NEK1: variants seen among roughly 807,000 people sequenced by gnomAD.
NEK1 encodes the protein serine/threonine-protein kinase Nek1.
Under a neutral mutation model 182.1 loss-of-function variants are expected in NEK1, and 137 were observed. The observed-to-expected ratio is 0.75, with a 90% CI of 0.65 to 0.87. The LOEUF is 0.87. Among genes scored for constraint, NEK1 ranks in the 40% least tolerant of loss-of-function variants. NEK1 has a pLI of 0.00. For missense variants in NEK1, 1,391 were observed against 1,494.4 expected (o/e 0.93, Z 1.14); for synonymous variants, 513 against 492.2 (o/e 1.04, Z -0.56).
intron 31 of NEK1, among the ~76,000 whole-genome samples, chr4:169,419,152 C>A (rs145754601): frequency 1.2e-3 from 177 of 152,012 alleles, no homozygotes; most frequent in African/African-American, 3.6e-3. Context: ...ATGCTAGAAA[C>A]CAGTGATAAA....
chr4:169,508,868 T>C lies in NEK1; in HGVS notation c.1666-16A>G, dbSNP rs952375196. 3.2e-6 allele frequency: 5 copies of C among 1,564,970 alleles called. No homozygotes were observed. In the Admixed American group the frequency reaches 5.3e-5, roughly 16 times the overall value. ...GCAGGATTCCCTGTTTATCATTTAA[T>C]GTACTAAGTTTAAAGAATGACTAAG... On this transcript the variant is annotated splice_polypyrimidine_tract_variant and intron_variant, in intron 19 of 35. Transcript: ENST00000507142.
intron 9 of NEK1, among the ~76,000 whole-genome samples, chr4:169,585,971 A>T (rs1767461027): frequency 6.6e-6 from 1 of 152,114 alleles, no homozygotes; most frequent in East Asian, 1.9e-4. Flanking sequence ...AACTAAAAGT[A>T]TTGGGGGAAA....
chr4:169,465,523 T>C (rs1047254884), intron 26 of NEK1, among the ~76,000 whole-genome samples: 1 of 152,070 alleles, frequency 6.6e-6, no homozygotes, highest in Non-Finnish European at 1.5e-5. Flanking sequence ...AGTCTTTACT[T>C]GAGTACTGAT....
At chr4:169,426,945 T>C (rs1483429053) in intron 29 of NEK1, among the ~76,000 whole-genome samples, 5 of 152,016 alleles carry the variant, frequency 3.3e-5, no homozygotes, top group African/African-American at 1.2e-4. Context: ...AAAAAAGAAC[T>C]CACAATTTTT....
At chr4:169,417,172 T>C (rs1429545410) in intron 31 of NEK1, among the ~76,000 whole-genome samples, 1 of 152,106 alleles carries the variant, frequency 6.6e-6, no homozygotes, top group Non-Finnish European at 1.5e-5. Context: ...AAAGAGAAGC[T>C]CATTTCAGGC....
chr4:169,442,987 T>C (rs968003570), intron 27 of NEK1, among the ~76,000 whole-genome samples: 18 of 152,170 alleles, frequency 1.2e-4, no homozygotes, highest in Admixed American at 6.5e-4. Flanking sequence ...TAGTGAGCTA[T>C]GATTGCACCA....
rs751192051 is a variant in NEK1, at chr4:169,424,758, T to C, written c.3017A>G (p.Asp1006Gly). The C allele has an allele frequency of 1.2e-6, 2 of 1,613,598 alleles. No homozygotes were observed. The highest frequency in any genetic ancestry group is 1.7e-4 in the Middle Eastern group (1 of 6,056). Reference sequence around the variant, plus strand: ...AAATGGTTCCGGTTGCACAGACTTATCTACATCACATTTAGAGTGCTGAGA... The same window carrying C: ...AAATGGTTCCGGTTGCACAGACTTACCTACATCACATTTAGAGTGCTGAGA... ...NDSQHSKCDV[D>G]KSVQPEPFFH... The change falls in exon 31 of 36, where the codon GAT becomes GGT. Residue 1006 changes from aspartate (D) to glycine (G), a missense_variant. Physicochemically the swap from Asp to Gly is moderately conservative, Grantham distance 94. Around this residue, in one of 5 missense-constraint regions of NEK1, gnomAD observed 1,216 missense variants for 1,277.6 expected, o/e 0.95. Transcript: ENST00000507142.
At chr4:169,474,707 A>G (rs936629044) in intron 26 of NEK1, among the ~76,000 whole-genome samples, 3 of 152,020 alleles carry the variant, frequency 2.0e-5, no homozygotes, top group African/African-American at 2.4e-5. Flanking sequence ...TCTGTTCCTC[A>G]TTTTCTTTGC....
intron 18 of NEK1, among the ~76,000 whole-genome samples, chr4:169,541,520 A>G (rs939621908): frequency 6.6e-6 from 1 of 152,168 alleles, no homozygotes; most frequent in Non-Finnish European, 1.5e-5. Flanking sequence ...AGGCAAATAT[A>G]GGTGATTATG....
intron 29 of NEK1, among the ~76,000 whole-genome samples, chr4:169,431,948 C>A (rs989087161): frequency 5.3e-5 from 8 of 151,492 alleles, no homozygotes; most frequent in Middle Eastern, 3.4e-3. Flanking sequence ...CACACACACA[C>A]AAAACATAAA....
chr4:169,532,247 T>C (rs551992431), intron 19 of NEK1, among the ~76,000 whole-genome samples: 2 of 152,296 alleles, frequency 1.3e-5, no homozygotes, highest in South Asian at 4.1e-4. Flanking sequence ...TTAAATTATA[T>C]GTTAATAAAG....
intron 27 of NEK1, among the ~76,000 whole-genome samples, chr4:169,448,825 C>T (rs1290650542): frequency 1.3e-5 from 2 of 152,190 alleles, no homozygotes; most frequent in African/African-American, 2.4e-5. Flanking sequence ...GTGCAGCCCA[C>T]GGAGGGTGAG....
chr4:169,473,171 C>A (rs1198277377), intron 26 of NEK1, among the ~76,000 whole-genome samples: 1 of 149,370 alleles, frequency 6.7e-6, no homozygotes, highest in Non-Finnish European at 1.5e-5. Flanking sequence ...GAGGCTGAGG[C>A]AGGAGGATCA....
At chr4:169,404,071 T>C (rs1203300859) in intron 32 of NEK1, among the ~76,000 whole-genome samples, 1 of 27,392 alleles carries the variant, frequency 3.7e-5, no homozygotes, top group Non-Finnish European at 6.6e-5. Context: ...ACTTAGCAGC[T>C]TGGAAGAAAG....
chr4:169,551,381 G>GAGGC (rs1561397376), intron 18 of NEK1, among the ~76,000 whole-genome samples: 1 of 151,982 alleles, frequency 6.6e-6, no homozygotes, highest in Non-Finnish European at 1.5e-5. Context: ...GCCCTTACAA[G>GAGGC]ATTATATTTC....
At chr4:169,420,527 C>T (rs185927044) in intron 31 of NEK1, among the ~76,000 whole-genome samples, 9 of 152,270 alleles carry the variant, frequency 5.9e-5, no homozygotes, top group Admixed American at 1.3e-4. Flanking sequence ...TACACTGTGA[C>T]ACTACGATGT....
intron 27 of NEK1, among the ~76,000 whole-genome samples, chr4:169,446,103 T>C (rs1740507807): frequency 1.3e-5 from 2 of 151,698 alleles, no homozygotes; most frequent in South Asian, 2.1e-4. Context: ...GCATACAAAA[T>C]ACAGTTAAAT....
intron 2 of NEK1, among the ~76,000 whole-genome samples, chr4:169,609,055 C>T (rs1418940704): frequency 8.5e-6 from 1 of 118,058 alleles, no homozygotes; most frequent in African/African-American, 4.1e-5. Context: ...AGCGAGACTC[C>T]TTCTCAAAAA....
At chr4:169,609,893 T>C (rs999670056) in intron 2 of NEK1, among the ~76,000 whole-genome samples, 3 of 152,218 alleles carry the variant, frequency 2.0e-5, no homozygotes, top group African/African-American at 7.2e-5. Flanking sequence ...CTCCTCACTT[T>C]TGACATTCAA....
Sources: allele counts gnomAD v4.1 joint callset (sites outside exome capture counted in the v4.1 genomes callset), GRCh38; gene constraint gnomAD v4.1.1; regional missense constraint gnomAD v4.1.1; transcripts MANE v1.5; gene names NCBI Gene and HGNC (gene_info 2026-07-23, HGNC 2026-07-21).